MAT2B: variants seen among roughly 807,000 people sequenced by gnomAD.
MAT2B encodes methionine adenosyltransferase 2 non-catalytic beta subunit.
MAT2B carries 16 observed loss-of-function variants against 36.1 expected under a neutral mutation model. The ratio of observed to expected loss-of-function variants is 0.44; its 90% CI spans 0.30 to 0.67. The LOEUF (loss-of-function observed/expected upper bound fraction) is 0.67. Among genes scored for constraint, MAT2B ranks in the 30% least tolerant of loss-of-function variants. The pLI is 0.09. For synonymous variants in MAT2B, 148 were observed against 136.9 expected (o/e 1.08, Z -0.57); for missense variants, 332 against 398.2 (o/e 0.83, Z 1.42).
intron 1 of MAT2B, among the ~76,000 whole-genome samples, chr5:163,510,214 T>A (rs1263594920): frequency 6.6e-6 from 1 of 152,172 alleles, no homozygotes; most frequent in Non-Finnish European, 1.5e-5. Context: ...GGAAACTTGG[T>A]GTTACCCATC....
chr5:163,517,326 G>A (rs1760148552), intron 5 of MAT2B: 3 of 271,410 alleles, frequency 1.1e-5, no homozygotes, highest in African/African-American at 4.4e-5. Flanking sequence ...TAAAATTGGA[G>A]CCTTTTTTTG....
intron 1 of MAT2B, among the ~76,000 whole-genome samples, chr5:163,506,239 C>T (rs1463709211): frequency 5.3e-5 from 8 of 152,160 alleles, no homozygotes; most frequent in Admixed American, 4.6e-4. Flanking sequence ...TTTAATCCTC[C>T]ACTGTGAGAT....
intron 5 of MAT2B, chr5:163,517,054 A>C: frequency 2.6e-6 from 1 of 391,194 alleles, no homozygotes; most frequent in East Asian, 4.0e-5. Context: ...ACATTTGAAA[A>C]AGTTGGTATT....
chr5:163,503,239 G>T, upstream of MAT2B: 1 of 653,244 alleles, frequency 1.5e-6, no homozygotes, highest in Non-Finnish European at 2.8e-6. Context: ...TTCCGGGATT[G>T]GAATCAAAAT....
intron 5 of MAT2B, 128 bp downstream of exon 5, chr5:163,516,839 C>T: frequency 2.5e-6 from 2 of 809,966 alleles, no homozygotes; most frequent in South Asian, 1.5e-5. Context: ...ACTAGGAGAC[C>T]AAACAAAAGT....
At chr5:163,512,229 A>G (rs754307442) in intron 2 of MAT2B, 33 bp downstream of exon 2, 1 of 1,524,180 alleles carries the variant, frequency 6.6e-7, no homozygotes, top group Non-Finnish European at 9.1e-7. Flanking sequence ...ATATACATGA[A>G]CAATATTAAG....
chr5:163,505,961 A>C (rs1436425244), intron 1 of MAT2B, among the ~76,000 whole-genome samples: 1 of 151,930 alleles, frequency 6.6e-6, no homozygotes, highest in African/African-American at 2.4e-5. Context: ...TTTTTCTTCC[A>C]GCCACTGCGG....
chr5:163,515,111 A>G (rs1250000404), intron 4 of MAT2B, among the ~76,000 whole-genome samples: 2 of 152,000 alleles, frequency 1.3e-5, no homozygotes, highest in Non-Finnish European at 2.9e-5. Flanking sequence ...CCACCTAAAC[A>G]CCTCCCAAAA....
intron 6 of MAT2B, 182 bp downstream of exon 6, chr5:163,517,856 A>G: frequency 1.9e-6 from 1 of 517,430 alleles, no homozygotes; most frequent in Non-Finnish European, 3.5e-6. Context: ...AAGTTTGTAG[A>G]AAATGTATTA....
At chr5:163,510,776 A>C (rs1760026327) in intron 1 of MAT2B, among the ~76,000 whole-genome samples, 1 of 152,190 alleles carries the variant, frequency 6.6e-6, no homozygotes, top group Non-Finnish European at 1.5e-5. Context: ...GAAAGCATTT[A>C]AGTGTTGTAA....
chr5:163,506,191 A>C (rs978975996), intron 1 of MAT2B, among the ~76,000 whole-genome samples: 2 of 152,194 alleles, frequency 1.3e-5, no homozygotes, highest in African/African-American at 4.8e-5. Context: ...TGAACTCTTA[A>C]GTTCTCAGCA....
chr5:163,516,414 G>A, intron 4 of MAT2B, 104 bp from the exon 5 acceptor site: 1 of 888,972 alleles, frequency 1.1e-6, no homozygotes, highest in South Asian at 1.7e-5. Flanking sequence ...TTAATTAAAA[G>A]GCAAGGTTTC....
chr5:163,512,991 G>A, intron 2 of MAT2B: 1 of 211,720 alleles, frequency 4.7e-6, no homozygotes, highest in Admixed American at 5.5e-5. Flanking sequence ...TAGAAACATG[G>A]TTGTTTTATT....
chr5:163,518,898 T>G lies in MAT2B; in HGVS notation c.*535T>G, dbSNP rs1176798543. The G allele has an allele frequency of 6.6e-6, 1 of 152,670 alleles. No individual in the cohort carries two copies. Among genetic ancestry groups the G allele is most frequent in the African/African-American group, 2.4e-5 (1 of 41,462 alleles). 9.5% of individuals were successfully genotyped at this position (152,670 alleles called of 1,614,324 possible). On this transcript the variant is annotated 3_prime_UTR_variant, in exon 7 of 7. Coordinates refer to ENST00000321757, the MANE Select transcript of MAT2B (RefSeq NM_013283.5). ...TCAACATGTTATGTATATTGGAACTTCTACAGCTTGATGCCTCCTGCTTTT... is the reference window on the plus strand; with the variant it reads ...TCAACATGTTATGTATATTGGAACTGCTACAGCTTGATGCCTCCTGCTTTT...
chr5:163,516,603 G>T lies in MAT2B; in HGVS notation c.612G>T (p.Val204=), dbSNP rs1271158409. Residue 204 remains valine, a synonymous_variant, in exon 5 of 7, where the codon GTG becomes GTT. Transcript: ENST00000321757. ...CTGTGACTGTTATGTTTGATAAAGT[G>T]CAGTTCAGCAACAAGTCAGCAAACA... ...ESAVTVMFDK[V]QFSNKSANMD... The T allele has an allele frequency of 1.2e-6, 2 of 1,614,060 alleles. No individual in the cohort carries two copies. The highest frequency in any genetic ancestry group is 1.3e-5 in the African/African-American group (1 of 74,930).
chr5:163,514,107 GAA>G (rs1760093333), intron 4 of MAT2B, 113 bp downstream of exon 4: 2 of 786,010 alleles, frequency 2.5e-6, no homozygotes, highest in Non-Finnish European at 3.7e-6. Context: ...AATCATTAGA[GAA>G]AAATTAGAAT....
upstream of MAT2B, among the ~76,000 whole-genome samples, chr5:163,505,023 A>G (rs1759904505): frequency 7.0e-6 from 1 of 142,924 alleles, no homozygotes; most frequent in African/African-American, 3.0e-5. Context: ...TCCCCCTACA[A>G]CTTTTTATTT....
At chr5:163,515,232 T>G (rs1232906082) in intron 4 of MAT2B, among the ~76,000 whole-genome samples, 1 of 152,202 alleles carries the variant, frequency 6.6e-6, no homozygotes, top group Admixed American at 6.5e-5. Context: ...GTCATGTAAT[T>G]TAAAAGAAAA....
rs376692027 is a variant in MAT2B at position 163,514,965 on chromosome 5, A to G, written c.526+971A>G. Reference sequence around the variant, plus strand: ...CTAGAGGCTGAGAAGTCCAAGATCAAGGTGAGGGTCTTTCTGGTCCTCTGG... The same window carrying G: ...CTAGAGGCTGAGAAGTCCAAGATCAGGGTGAGGGTCTTTCTGGTCCTCTGG... On this transcript the variant is annotated intron_variant, in intron 4 of 6. Coordinates refer to ENST00000321757, the MANE Select transcript of MAT2B (RefSeq NM_013283.5). Among the ~76,000 whole-genome samples the G allele has an allele frequency of 5.2e-4, 79 of 152,302 alleles. 1 individual carries two copies. The highest frequency in any genetic ancestry group is 1.8e-3 in the African/African-American group (73 of 41,572).
Sources: gnomAD v4.1 joint callset for allele counts (sites outside exome capture counted in the v4.1 genomes callset) on GRCh38, gnomAD v4.1.1 for gene constraint, MANE v1.5 for transcripts, NCBI Gene and HGNC (gene_info 2026-07-23, HGNC 2026-07-21) for gene names.